The following SCAF8 variants were observed in gnomAD, a reference collection of about 807,000 sequenced individuals.
The protein encoded by SCAF8 is SR-related and CTD-associated factor 8.
In SCAF8, 23 loss-of-function variants were observed where a neutral mutation model predicts 140.5. The ratio of observed to expected loss-of-function variants is 0.16; its 90% CI spans 0.12 to 0.23. The LOEUF (loss-of-function observed/expected upper bound fraction) is 0.23. SCAF8 is among the 10% of genes least tolerant of loss of function. SCAF8 has a pLI of 1.00. For missense variants in SCAF8, 1,397 were observed against 1,555.7 expected (o/e 0.90, Z 1.72); for synonymous variants, 575 against 528.9 (o/e 1.09, Z -1.20).
intron 12 of SCAF8, among the ~76,000 whole-genome samples, chr6:154,810,701 T>G (rs990545384): frequency 6.6e-6 from 1 of 152,122 alleles, no homozygotes; most frequent in Non-Finnish European, 1.5e-5. Context: ...TAGAACAGAT[T>G]CGGTAGTGGT....
chr6:154,786,783 A>T (rs939633024), intron 3 of SCAF8, among the ~76,000 whole-genome samples: 3 of 152,208 alleles, frequency 2.0e-5, no homozygotes, highest in African/African-American at 4.8e-5. Flanking sequence ...AAAATTTTAA[A>T]GTATTTCAGA....
At position 154,834,208 on chromosome 6, in the gene SCAF8, A is replaced by T. The variant is rs1396846500; in HGVS notation, c.*813A>T. The T allele has an allele frequency of 6.6e-6, 1 of 152,218 alleles. No individual in the cohort carries two copies. Among genetic ancestry groups the T allele is most frequent in the Non-Finnish European group, 1.5e-5 (1 of 68,022 alleles). The allele number at this position is 152,218 out of a possible 1,614,324, so 9.4% of individuals were successfully genotyped here. On this transcript the variant is annotated 3_prime_UTR_variant, in exon 20 of 20. Transcript: ENST00000367178. ...AAGCATGTACTTTGATATAAAAATC[A>T]TGCAGCCTCCTCAGTATGTGTATAA... is the stretch of plus-strand genomic sequence containing the variant.
intron 12 of SCAF8, among the ~76,000 whole-genome samples, chr6:154,810,684 G>T (rs1402178357): frequency 6.6e-6 from 1 of 152,174 alleles, no homozygotes; most frequent in East Asian, 1.9e-4. Flanking sequence ...AGTCAATTAC[G>T]TATGATTAGA....
At position 154,833,237 on chromosome 6, in the gene SCAF8, G is replaced by C; in HGVS notation, c.3658G>C (p.Glu1220Gln). The C allele has an allele frequency of 2.5e-6, 4 of 1,614,026 alleles. No individual in the cohort carries two copies. The highest frequency in any genetic ancestry group is 3.4e-6 in the Non-Finnish European group (4 of 1,179,996). The stretch of plus-strand genomic sequence containing the variant: ...GCCTCAGGTTAATGGTGAAAATACA[G>C]AGAGACATGCTCAGCCACCACCTAT... Reference protein sequence around the residue: ...NVPQVNGENTERHAQPPPIPV... With the variant: ...NVPQVNGENTQRHAQPPPIPV... Residue 1220 changes from glutamate to glutamine, a missense_variant, in exon 20 of 20, where the codon GAG becomes CAG. Physicochemically the swap from Glu to Gln is conservative, Grantham distance 29. Transcript: ENST00000367178.
chr6:154,733,906 G>T lies in SCAF8; in HGVS notation c.6G>T (p.Glu2Asp). ...GGGGCCTCCGCAGCGACAACATGGA[G>T]GCCGTGAAGACCTTCAATAGCGAGG... MEAVKTFNSELY... is the reference protein window; with the variant it reads MDAVKTFNSELY... The change falls in exon 1 of 20, where the codon GAG (glutamate) becomes GAT (aspartate). Residue 2 changes from glutamate (E) to aspartate (D), a missense_variant. By Grantham distance (45) the Glu-to-Asp change is conservative (BLOSUM62 2). Transcript: ENST00000367178. 1 of 1,544,822 alleles carries T rather than the reference G, an allele frequency of 6.5e-7. No individual in the cohort carries two copies. The highest frequency in any genetic ancestry group is 2.1e-5 in the Admixed American group (1 of 46,610).
chr6:154,822,559 TA>T lies in SCAF8; in HGVS notation c.1926+159del, dbSNP rs199831937. ...TAGGGAAAAGAATATTTCTTTTAAATAAAAAAAAAGTCTGCTAATGCTGTGG... is the reference window on the plus strand; with the variant it reads ...TAGGGAAAAGAATATTTCTTTTAAATAAAAAAAAGTCTGCTAATGCTGTGG... On this transcript the variant is annotated intron_variant, in intron 16 of 19. Transcript: ENST00000367178. 1,240 of 802,576 alleles carry T rather than the reference TA, an allele frequency of 1.5e-3. 13 individuals are homozygous for T. The highest frequency in any genetic ancestry group is 0.014 in the South Asian group (457 of 32,922). The allele number at this position is 802,576 out of a possible 1,614,324, so 49.7% of individuals were successfully genotyped here.
intron 4 of SCAF8, among the ~76,000 whole-genome samples, chr6:154,789,239 G>C (rs1777341472): frequency 2.0e-5 from 3 of 151,924 alleles, no homozygotes; most frequent in African/African-American, 7.3e-5. Context: ...CTCCTGAGTA[G>C]CTGGGATTAC....
intron 4 of SCAF8, among the ~76,000 whole-genome samples, chr6:154,790,602 C>A (rs1008983115): frequency 3.5e-5 from 5 of 144,514 alleles, no homozygotes; most frequent in Admixed American, 2.2e-4. Flanking sequence ...GCTCCGCCTC[C>A]TGGGTTCACG....
chr6:154,733,436 T>C lies in SCAF8; in HGVS notation c.-465T>C. ...CCGCCATATTGGATGCCGCAGCCGC[T>C]GCTGCCAGCGCTTCCTCCTCTGTCT... On this transcript the variant is annotated 5_prime_UTR_variant, in exon 1 of 20. Coordinates refer to ENST00000367178, the MANE Select transcript of SCAF8 (RefSeq NM_014892.5). The C allele has an allele frequency of 1.4e-6, 2 of 1,398,746 alleles. No homozygotes were observed. Among genetic ancestry groups the C allele is most frequent in the Non-Finnish European group, 9.3e-7 (1 of 1,075,958 alleles). 86.6% of individuals were successfully genotyped at this position (1,398,746 alleles called of 1,614,324 possible). A position where few individuals can be genotyped will look rare whatever the true frequency, so the allele number is the denominator to read the frequency against.
chr6:154,764,296 C>T (rs796610517), intron 1 of SCAF8, among the ~76,000 whole-genome samples: 9 of 137,554 alleles, frequency 6.5e-5, no homozygotes, highest in African/African-American at 1.4e-4. Context: ...TTTTTTGAGA[C>T]GGAGTCTCGC....
At position 154,733,999 on chromosome 6, in the gene SCAF8, C is replaced by T. The variant is rs1030966031; in HGVS notation, c.30+69C>T. The T allele has an allele frequency of 4.2e-6, 6 of 1,444,532 alleles. No homozygotes were observed. The East Asian group carries it at 1.7e-4, about 40-fold the overall frequency. The allele number at this position is 1,444,532 out of a possible 1,614,324, so 89.5% of individuals were successfully genotyped here. On this transcript the variant is annotated intron_variant, in intron 1 of 19. Coordinates refer to ENST00000367178, the MANE Select transcript of SCAF8 (RefSeq NM_014892.5). Reference sequence around the variant, plus strand: ...CCCACCCCTGGTCGAGGCCGGGGCCCGGAGGGTGGGCGCGGGCCTGCGGGT... The same window carrying T: ...CCCACCCCTGGTCGAGGCCGGGGCCTGGAGGGTGGGCGCGGGCCTGCGGGT...
chr6:154,802,131 G>A lies in SCAF8; in HGVS notation c.767G>A (p.Gly256Glu). The change falls in exon 7 of 20, where the codon GGA (glycine) becomes GAA (glutamate). Residue 256 changes from glycine to glutamate, a missense_variant. By Grantham distance (98) the Gly-to-Glu change is moderately conservative. Transcript: ENST00000367178. The stretch of plus-strand genomic sequence containing the variant: ...AACACTCTTACTCCCTTAGAACAGG[G>A]AGTCTCCTTTAACAAGGTAGAAATT... ...AANTLTPLEQGVSFNKKLMDR... is the reference protein window; with the variant it reads ...AANTLTPLEQEVSFNKKLMDR... 1.9e-6 allele frequency: 3 copies of A among 1,593,212 alleles called. No homozygotes were observed. Among genetic ancestry groups the A allele is most frequent in the East Asian group, 2.3e-5 (1 of 44,444 alleles).
chr6:154,796,355 CT>C (rs1562450795), intron 6 of SCAF8, among the ~76,000 whole-genome samples: 1,130 of 86,590 alleles, frequency 0.013, 18 homozygotes, highest in Non-Finnish European at 0.019. Context: ...CAATCCTGTT[CT>C]CTCTCTCTCT....
In SCAF8 at chr6:154,803,610, C is replaced by T; in HGVS notation, c.850C>T (p.Pro284Ser). 1.2e-6 allele frequency: 2 copies of T among 1,610,324 alleles called. No individual in the cohort carries two copies. The highest frequency in any genetic ancestry group is 1.7e-6 in the Non-Finnish European group (2 of 1,177,716). Reference protein sequence around the residue: ...EHSEEPKKEIPASQLSHVSES... With the variant: ...EHSEEPKKEISASQLSHVSES... ...TAGTGAAGAACCCAAAAAGGAAATTCCAGCTTCACAACTGTAAGAATTTTT... is the reference window on the plus strand; with the variant it reads ...TAGTGAAGAACCCAAAAAGGAAATTTCAGCTTCACAACTGTAAGAATTTTT... Residue 284 changes from proline to serine, a missense_variant, in exon 8 of 20, where the codon CCA (proline) becomes TCA (serine). Coordinates refer to ENST00000367178, the MANE Select transcript of SCAF8 (RefSeq NM_014892.5).
chr6:154,738,582 A>C (rs573265880), intron 1 of SCAF8, among the ~76,000 whole-genome samples: 3 of 152,366 alleles, frequency 2.0e-5, no homozygotes, highest in African/African-American at 7.2e-5. Context: ...AAATGATGGA[A>C]GACTTAAGTT....
At chr6:154,815,635 T>TACTGCTTTTTCCTCAATTACTTTTC in intron 12 of SCAF8, 81 bp from the exon 13 acceptor site, 1 of 653,544 alleles carries the variant, frequency 1.5e-6, no homozygotes, top group Non-Finnish European at 2.7e-6. Context: ...TTATGTGTAT[T>TACTGCTTTTTCCTCAATTACTTTTC]ACTGCTTTTT....
At chr6:154,779,976 A>T (rs1445330436) in intron 3 of SCAF8, among the ~76,000 whole-genome samples, 1 of 152,152 alleles carries the variant, frequency 6.6e-6, no homozygotes, top group African/African-American at 2.4e-5. Context: ...CTGTTGACAC[A>T]CTAACCTTAT....
At chr6:154,763,510 T>C (rs1270822128) in intron 1 of SCAF8, among the ~76,000 whole-genome samples, 1 of 152,194 alleles carries the variant, frequency 6.6e-6, no homozygotes, top group East Asian at 1.9e-4. Flanking sequence ...GGGATGTAAC[T>C]CATAATAAGC....
chr6:154,794,850 A>C, intron 5 of SCAF8, among the ~76,000 whole-genome samples, 159 bp from the exon 6 acceptor site: 2 of 143,886 alleles, frequency 1.4e-5, no homozygotes, highest in Non-Finnish European at 1.5e-5. Flanking sequence ...CTAATTCTGT[A>C]AAGGATTTTA....
Sources: allele counts gnomAD v4.1 joint callset (sites outside exome capture counted in the v4.1 genomes callset), GRCh38; gene constraint gnomAD v4.1.1; transcripts MANE v1.5; gene names NCBI Gene and HGNC (gene_info 2026-07-23, HGNC 2026-07-21).